SH3RF2: variants seen among roughly 807,000 people sequenced by gnomAD.
SH3RF2 encodes E3 ubiquitin-protein ligase SH3RF2.
SH3RF2 carries 43 observed loss-of-function variants against 59.0 expected under a neutral mutation model. The ratio of observed to expected loss-of-function variants is 0.73; its 90% CI spans 0.57 to 0.94. SH3RF2 has a LOEUF of 0.94. Ranked by LOEUF, SH3RF2 falls within the 40% of genes least tolerant of loss-of-function variation. The probability of loss-of-function intolerance (pLI) is 0.00; values close to 1 mark genes in which losing one functional copy is unlikely to be tolerated. For synonymous variants in SH3RF2, 391 were observed against 391.5 expected, an observed-to-expected ratio of 1.00 and a Z score of 0.01; for missense variants, 930 against 940.1, an observed-to-expected ratio of 0.99 and a Z score of 0.14.
At chr5:145,998,971 T>G (rs1319860375) in intron 2 of SH3RF2, among the ~76,000 whole-genome samples, 1 of 152,058 alleles carries the variant, frequency 6.6e-6, no homozygotes, top group East Asian at 1.9e-4. Flanking sequence ...AAGTGTGCAA[T>G]AGCATTATGC....
chr5:146,061,201 T>C (rs1019026551), intron 9 of SH3RF2, among the ~76,000 whole-genome samples: 5 of 152,210 alleles, frequency 3.3e-5, no homozygotes, highest in African/African-American at 1.2e-4. Flanking sequence ...GGCATTAGTT[T>C]CATCCTCATT....
chr5:145,967,140 A>G (rs559516085), intron 2 of SH3RF2, among the ~76,000 whole-genome samples: 2 of 152,360 alleles, frequency 1.3e-5, no homozygotes, highest in Non-Finnish European at 2.9e-5. Flanking sequence ...TGAAACAATG[A>G]TATTAGAACA....
At chr5:146,028,004 G>C (rs1761593657) in intron 5 of SH3RF2, among the ~76,000 whole-genome samples, 1 of 152,114 alleles carries the variant, frequency 6.6e-6, no homozygotes, top group African/African-American at 2.4e-5. Context: ...TCATCGTTTT[G>C]CCCAATTAAT....
intron 8 of SH3RF2, among the ~76,000 whole-genome samples, chr5:146,059,642 T>TCA (rs1000280821): frequency 2.6e-4 from 40 of 151,742 alleles, no homozygotes; most frequent in African/African-American, 9.4e-4. Context: ...ACATACACAC[T>TCA]CACACACACC....
intron 2 of SH3RF2, among the ~76,000 whole-genome samples, chr5:145,957,295 G>A (rs558557560): frequency 3.9e-5 from 6 of 152,110 alleles, no homozygotes; most frequent in Admixed American, 6.5e-5. Flanking sequence ...GCTCCTGTGC[G>A]GGAAATGAAT....
chr5:145,969,595 C>T (rs535524450), intron 2 of SH3RF2, among the ~76,000 whole-genome samples: 1 of 151,996 alleles, frequency 6.6e-6, no homozygotes, highest in African/African-American at 2.4e-5. Flanking sequence ...TCCAGCCGTG[C>T]GTGGTGGTAC....
chr5:145,964,504 G>A (rs908722219), intron 2 of SH3RF2, among the ~76,000 whole-genome samples: 9 of 151,776 alleles, frequency 5.9e-5, no homozygotes, highest in Middle Eastern at 3.4e-3. Context: ...ACAGGGTTTC[G>A]CCATGTTGAC....
chr5:145,941,167 A>T (rs952576777), intron 2 of SH3RF2, among the ~76,000 whole-genome samples: 1 of 152,192 alleles, frequency 6.6e-6, no homozygotes, highest in South Asian at 2.1e-4. Flanking sequence ...CTTTCTGTCC[A>T]TGAGCTTTTG....
At chr5:145,968,185 T>C (rs144677907) in intron 2 of SH3RF2, among the ~76,000 whole-genome samples, 2 of 152,358 alleles carry the variant, frequency 1.3e-5, no homozygotes, top group African/African-American at 2.4e-5. Context: ...TATGCACTTA[T>C]TGATTTAATA....
chr5:146,069,812 G>C (rs867975423), intron 9 of SH3RF2, among the ~76,000 whole-genome samples: 1 of 151,940 alleles, frequency 6.6e-6, no homozygotes, highest in Non-Finnish European at 1.5e-5. Context: ...GGGCTCTACC[G>C]ATCTGCCTGC....
At chr5:146,027,762 T>A (rs1159314137) in intron 5 of SH3RF2, among the ~76,000 whole-genome samples, 3 of 152,056 alleles carry the variant, frequency 2.0e-5, no homozygotes, top group Non-Finnish European at 4.4e-5. Flanking sequence ...CGAGCTGAGG[T>A]TCTGCACACA....
At chr5:146,050,075 T>C (rs1762444093) in intron 7 of SH3RF2, 1 of 152,230 alleles carries the variant, frequency 6.6e-6, no homozygotes, top group Non-Finnish European at 1.5e-5. Context: ...TGCCCACTTT[T>C]GGGGACCTTC....
intron 4 of SH3RF2, among the ~76,000 whole-genome samples, chr5:146,006,914 A>T (rs1035487399): frequency 3.3e-5 from 5 of 152,202 alleles, no homozygotes; most frequent in African/African-American, 1.2e-4. Context: ...TGGGCTTCCT[A>T]GTTTCCACAG....
chr5:146,036,167 C>A (rs1003511163), intron 5 of SH3RF2, among the ~76,000 whole-genome samples: 6 of 152,132 alleles, frequency 3.9e-5, no homozygotes, highest in Non-Finnish European at 2.9e-5. Context: ...TCAAAAAGCC[C>A]TAAGAGTACC....
intron 3 of SH3RF2, among the ~76,000 whole-genome samples, chr5:146,003,274 A>C (rs1249258884): frequency 6.6e-6 from 1 of 152,212 alleles, no homozygotes; most frequent in Non-Finnish European, 1.5e-5. Context: ...GCCTCTTAAC[A>C]GGTGGTGGGA....
Position 146,000,071 on chromosome 5 carries a change from A to C in SH3RF2, c.392A>C (p.Lys131Thr), listed in dbSNP as rs1314416328. Residue 131 changes from lysine to threonine, a missense_variant, in exon 3 of 10, where the codon AAG becomes ACG. Coordinates refer to ENST00000359120, the MANE Select transcript of SH3RF2 (RefSeq NM_152550.4). ...RIHMDGVPRA[K>T]ALCNYRGQNP... ...GTGCCATTGCAGGTGCCTCGAGCAA[A>C]GGCCTTATGCAACTACAGAGGGCAG... 1 of 1,612,710 alleles carries C rather than the reference A, an allele frequency of 6.2e-7. No individual in the cohort carries two copies. The highest frequency in any genetic ancestry group is 2.2e-5 in the East Asian group (1 of 44,794).
intron 2 of SH3RF2, 35 bp downstream of exon 2, chr5:145,938,341 C>T: frequency 6.7e-7 from 1 of 1,502,020 alleles, no homozygotes; most frequent in South Asian, 1.3e-5. Flanking sequence ...ATCATGTCCA[C>T]ATAGAGGTTG....
intron 9 of SH3RF2, among the ~76,000 whole-genome samples, chr5:146,072,488 T>C (rs1763259382): frequency 6.6e-6 from 1 of 151,968 alleles, no homozygotes; most frequent in Non-Finnish European, 1.5e-5. Context: ...CTGGCCAATA[T>C]GGTGAAACCC....
At chr5:146,001,345 G>A (rs1283619213) in intron 3 of SH3RF2, among the ~76,000 whole-genome samples, 1 of 152,210 alleles carries the variant, frequency 6.6e-6, no homozygotes, top group Admixed American at 6.5e-5. Flanking sequence ...TAGGCAAGGT[G>A]TTTCGTTTTA....
Sources: allele counts gnomAD v4.1 joint callset (sites outside exome capture counted in the v4.1 genomes callset), GRCh38; gene constraint gnomAD v4.1.1; transcripts MANE v1.5; gene names NCBI Gene and HGNC (gene_info 2026-07-23, HGNC 2026-07-21).